NAT10: variants seen among roughly 807,000 people sequenced by gnomAD.
NAT10 encodes the protein N-acetyltransferase 10, also known as RNA cytidine acetyltransferase.
A neutral mutation model predicts 132.2 loss-of-function variants in NAT10; 109 were observed. The ratio of observed to expected loss-of-function variants is 0.82; its 90% confidence interval spans 0.71 to 0.97. The LOEUF (loss-of-function observed/expected upper bound fraction) is 0.97. NAT10 is among the 50% of genes least tolerant of loss of function. The pLI is 0.00. For missense variants in NAT10, 1,184 were observed against 1,263.4 expected (o/e 0.94, Z 0.95); for synonymous variants, 479 against 478.0 (o/e 1.00, Z -0.03).
chr11:34,136,479 G>A (rs1383350890), intron 19 of NAT10, among the ~76,000 whole-genome samples, 163 bp from the exon 20 acceptor site: 3 of 152,190 alleles, frequency 2.0e-5, no homozygotes, highest in Non-Finnish European at 4.4e-5. Context: ...GAGAATGATT[G>A]CTTGACTCCG....
intron 21 of NAT10, 115 bp downstream of exon 21, chr11:34,137,141 T>C (rs2132975572): frequency 8.6e-7 from 1 of 1,157,590 alleles, no homozygotes; most frequent in Non-Finnish European, 1.3e-6. Flanking sequence ...AGCAGGTGGC[T>C]GTGCCTCTGA....
chr11:34,112,345 A>G, intron 4 of NAT10, 122 bp downstream of exon 4: 1 of 1,171,840 alleles, frequency 8.5e-7, no homozygotes, highest in Non-Finnish European at 1.2e-6. Context: ...CCCTATGCCC[A>G]AGCATTATTA....
intron 12 of NAT10, among the ~76,000 whole-genome samples, chr11:34,128,786 T>C (rs1852047817): frequency 6.6e-6 from 1 of 152,178 alleles, no homozygotes; most frequent in South Asian, 2.1e-4. Flanking sequence ...CACAACCAAT[T>C]TTAGAACATT....
chr11:34,115,631 T>C (rs1851771893), intron 5 of NAT10, among the ~76,000 whole-genome samples, 192 bp from the exon 6 acceptor site: 1 of 152,228 alleles, frequency 6.6e-6, no homozygotes. Context: ...GTGAAAGATT[T>C]TAATAAGCAA....
chr11:34,137,586 G>T (rs1852240199), intron 21 of NAT10, among the ~76,000 whole-genome samples: 1 of 152,184 alleles, frequency 6.6e-6, no homozygotes, highest in Non-Finnish European at 1.5e-5. Flanking sequence ...CTGCAGGAGG[G>T]CACGGAGCTC....
chr11:34,144,758 C>A (rs1474616467), intron 28 of NAT10, among the ~76,000 whole-genome samples: 1 of 152,196 alleles, frequency 6.6e-6, no homozygotes, highest in African/African-American at 2.4e-5. Flanking sequence ...GAGGCCTCCC[C>A]TGCCCAGAGC....
At position 34,121,206 on chromosome 11, in the gene NAT10, G is replaced by A. The variant is rs188467457; in HGVS notation, c.781-1253G>A. Among the ~76,000 whole-genome samples, 100 of 152,272 alleles carry A rather than the reference G, an allele frequency of 6.6e-4. 2 individuals carry two copies. In the East Asian group the frequency reaches 0.015, roughly 23 times the overall value. ...CCCCAGGCTTCTTTTTAAGAGGATC[G>A]TCTGGCTGCTGTGTTGAATATAGAC... On this transcript the variant is annotated intron_variant, in intron 8 of 28. Coordinates refer to ENST00000257829, the MANE Select transcript of NAT10 (RefSeq NM_024662.3).
intron 4 of NAT10, among the ~76,000 whole-genome samples, chr11:34,112,848 TTGATTCC>T: frequency 6.6e-6 from 1 of 152,354 alleles, no homozygotes; most frequent in South Asian, 2.1e-4. Context: ...CTTTGTTTCT[TTGATTCC>T]TGTGCCACCT....
intron 4 of NAT10, among the ~76,000 whole-genome samples, chr11:34,113,133 A>G (rs1390849909): frequency 1.3e-5 from 2 of 152,140 alleles, no homozygotes; most frequent in African/African-American, 4.8e-5. Context: ...TGCTGCCATG[A>G]TCAATTGCCT....
At chr11:34,126,765 T>C (rs920544445) in intron 11 of NAT10, among the ~76,000 whole-genome samples, 4 of 152,258 alleles carry the variant, frequency 2.6e-5, no homozygotes, top group African/African-American at 9.6e-5. Flanking sequence ...TCAGGTTTCC[T>C]ATAAGATACC....
At chr11:34,134,218 G>A (rs1003297104) in intron 16 of NAT10, 101 bp from the exon 17 acceptor site, 59 of 968,122 alleles carry the variant, frequency 6.1e-5, no homozygotes, top group Non-Finnish European at 9.4e-5. Flanking sequence ...GAACATGGGG[G>A]TGGAAACAAC....
At chr11:34,119,417 A>T (rs2132946431) in intron 8 of NAT10, among the ~76,000 whole-genome samples, 1 of 152,322 alleles carries the variant, frequency 6.6e-6, no homozygotes, top group South Asian at 2.1e-4. Flanking sequence ...TGGAAATATG[A>T]TCAGCAGCTA....
chr11:34,113,952 C>T, intron 5 of NAT10, 114 bp downstream of exon 5: 1 of 1,270,566 alleles, frequency 7.9e-7, no homozygotes, highest in Non-Finnish European at 1.1e-6. Flanking sequence ...GTCAGCACAG[C>T]CTCTGGGCTA....
chr11:34,141,056 A>C (rs1160513823), intron 24 of NAT10, 33 bp from the exon 25 acceptor site: 3 of 1,613,784 alleles, frequency 1.9e-6, no homozygotes, highest in African/African-American at 1.3e-5. Context: ...GGCGTGTCCT[A>C]GAGGCCCACC....
intron 2 of NAT10, 26 bp downstream of exon 2, chr11:34,108,359 A>G: frequency 6.5e-7 from 1 of 1,547,504 alleles, no homozygotes; most frequent in Non-Finnish European, 8.9e-7. Context: ...TGCTTCCTGA[A>G]TTACTTTTTA....
rs1246067514 is a variant in NAT10 at position 34,140,569 on chromosome 11, G to A, written c.2589G>A (p.Gln863=). The change falls in exon 24 of 29, where the codon CAG becomes CAA. Residue 863 remains glutamine (Q), a synonymous_variant. Transcript: ENST00000257829. Reference sequence around the variant, plus strand: ...GGGACCTGGCCCTGTCTGCGGCTCAGTCGGTATGCTATCTGTTGCTTGCGT... The same window carrying A: ...GGGACCTGGCCCTGTCTGCGGCTCAATCGGTATGCTATCTGTTGCTTGCGT... The part of the protein sequence containing the change: ...QLGDLALSAA[Q]SALLLGIGLQ... 6.2e-7 allele frequency: 1 copy of A among 1,613,764 alleles called. No homozygotes were observed. Among genetic ancestry groups the A allele is most frequent in the Admixed American group, 1.7e-5 (1 of 60,002 alleles).
chr11:34,131,020 T>C, intron 13 of NAT10, 83 bp downstream of exon 13: 1 of 1,555,314 alleles, frequency 6.4e-7, no homozygotes, highest in Non-Finnish European at 8.8e-7. Flanking sequence ...TGTGACATCA[T>C]GGGAAGCACC....
intron 11 of NAT10, 127 bp downstream of exon 11, chr11:34,124,527 G>A (rs1851952737): frequency 5.0e-6 from 3 of 601,462 alleles, no homozygotes; most frequent in Non-Finnish European, 8.4e-6. Context: ...CAATGGTGGT[G>A]TTGTATGCTA....
chr11:34,131,794 TC>T (rs1852111232), intron 14 of NAT10, among the ~76,000 whole-genome samples: 1 of 151,094 alleles, frequency 6.6e-6, no homozygotes, highest in Non-Finnish European at 1.5e-5. Flanking sequence ...CAAGTGATTC[TC>T]CTGCCTCAGC....
Sources: allele counts gnomAD v4.1 joint callset (sites outside exome capture counted in the v4.1 genomes callset), GRCh38; gene constraint gnomAD v4.1.1; transcripts MANE v1.5; gene names NCBI Gene and HGNC (gene_info 2026-07-23, HGNC 2026-07-21).